The following COL24A1 variants were observed in gnomAD, a reference collection of about 807,000 sequenced individuals.
The protein encoded by COL24A1 is collagen alpha-1(XXIV) chain.
In COL24A1, 224 loss-of-function variants were observed where a neutral mutation model predicts 253.9. That is an observed-to-expected ratio of 0.88 (90% CI 0.79 to 0.99). The LOEUF is 0.99. Ranked by LOEUF, COL24A1 falls within the 50% of genes least tolerant of loss-of-function variation. COL24A1 has a pLI of 0.00. For synonymous variants in COL24A1, 685 were observed against 673.7 expected (o/e 1.02, Z -0.26); for missense variants, 2,131 against 2,068.5 (o/e 1.03, Z -0.59).
At chr1:86,073,795 AAG>A (rs1472906370) in intron 7 of COL24A1, among the ~76,000 whole-genome samples, 1 of 152,240 alleles carries the variant, frequency 6.6e-6, no homozygotes, top group East Asian at 1.9e-4. Flanking sequence ...TACAAGACAG[AAG>A]AGAGTGGGGG....
In COL24A1 at chr1:85,847,593, A is replaced by G. The variant is rs1677265421; in HGVS notation, c.3462+72T>C. On this transcript the variant is annotated intron_variant, in intron 39 of 59. Coordinates refer to ENST00000370571, the MANE Select transcript of COL24A1 (RefSeq NM_152890.7). Reference sequence around the variant, plus strand: ...GTCTGTAAAGCTAATCAAGGGATGAAACTTTAAGGGCATGGATACGTTTCT... The same window carrying G: ...GTCTGTAAAGCTAATCAAGGGATGAGACTTTAAGGGCATGGATACGTTTCT... 2.8e-6 allele frequency: 3 copies of G among 1,055,026 alleles called. No individual in the cohort carries two copies. The South Asian group carries it at 4.2e-5, about 15-fold the overall frequency. The allele number at this position is 1,055,026 out of a possible 1,614,324, so 65.4% of individuals were successfully genotyped here. A position where few individuals can be genotyped will look rare whatever the true frequency, so the allele number is the denominator to read the frequency against.
chr1:86,021,653 T>C (rs1697550458), intron 18 of COL24A1, among the ~76,000 whole-genome samples: 1 of 152,112 alleles, frequency 6.6e-6, no homozygotes, highest in Non-Finnish European at 1.5e-5. Flanking sequence ...ATAATTATGA[T>C]TTTTAATATT....
At chr1:86,122,877 T>A (rs767201794) in intron 3 of COL24A1, among the ~76,000 whole-genome samples, 15 of 151,968 alleles carry the variant, frequency 9.9e-5, no homozygotes, top group Non-Finnish European at 2.2e-4. Context: ...CTTAGAAACC[T>A]ACAAAATTCC....
chr1:85,852,928 G>T (rs1677952216), intron 37 of COL24A1, among the ~76,000 whole-genome samples: 2 of 152,158 alleles, frequency 1.3e-5, no homozygotes, highest in Non-Finnish European at 2.9e-5. Flanking sequence ...GGAAGTACAG[G>T]CGCATGCCAC....
chr1:86,102,233 AT>A (rs1159611495), intron 5 of COL24A1, among the ~76,000 whole-genome samples: 1 of 152,106 alleles, frequency 6.6e-6, no homozygotes, highest in Non-Finnish European at 1.5e-5. Flanking sequence ...CAGTGGTAAT[AT>A]CCCCTTTGTT....
rs189823334 is a variant in COL24A1, at chr1:85,868,277, A to T, written c.3300+242T>A. ...AACTCAGTTTGAGACAACATAAAACATTCCTTTATAAATGCTTTATGACAG... is the reference window on the plus strand; with the variant it reads ...AACTCAGTTTGAGACAACATAAAACTTTCCTTTATAAATGCTTTATGACAG... On this transcript the variant is annotated intron_variant, in intron 37 of 59. Transcript: ENST00000370571. Among the ~76,000 whole-genome samples, 9 of 152,332 alleles carry T rather than the reference A, an allele frequency of 5.9e-5. No individual in the cohort carries two copies. In the East Asian group the frequency reaches 1.7e-3, roughly 29 times the overall value.
At chr1:85,929,757 C>T (rs866058000) in intron 24 of COL24A1, among the ~76,000 whole-genome samples, 3 of 149,246 alleles carry the variant, frequency 2.0e-5, no homozygotes, top group East Asian at 2.0e-4. Flanking sequence ...TGCAATCAAA[C>T]TAGAACTCAG....
At chr1:85,984,281 A>G (rs1693517644) in intron 20 of COL24A1, among the ~76,000 whole-genome samples, 1 of 151,870 alleles carries the variant, frequency 6.6e-6, no homozygotes, top group Non-Finnish European at 1.5e-5. Flanking sequence ...ATTAAGTTCT[A>G]TTATTACTTC....
At chr1:86,115,258 C>T in intron 4 of COL24A1, 67 bp downstream of exon 4, 1 of 1,521,668 alleles carries the variant, frequency 6.6e-7, no homozygotes, top group Non-Finnish European at 9.1e-7. Context: ...CTGTACAATA[C>T]TAGAAAAAAC....
intron 1 of COL24A1, among the ~76,000 whole-genome samples, chr1:86,152,504 T>A (rs1474897693): frequency 1.3e-5 from 2 of 152,224 alleles, no homozygotes; most frequent in Non-Finnish European, 2.9e-5. Flanking sequence ...ATTATATATA[T>A]GCAAATATTC....
At chr1:85,912,635 C>A (rs544911915) in intron 24 of COL24A1, among the ~76,000 whole-genome samples, 7 of 152,236 alleles carry the variant, frequency 4.6e-5, no homozygotes, top group African/African-American at 1.4e-4. Context: ...TAAGTGTTTT[C>A]TATGTGCCTG....
rs535260560 is a variant in COL24A1, at chr1:85,831,152, G to A, written c.3682-7414C>T. On this transcript the variant is annotated intron_variant, in intron 43 of 59. Coordinates refer to ENST00000370571, the MANE Select transcript of COL24A1 (RefSeq NM_152890.7). Reference sequence around the variant, plus strand: ...TAACGGAAAAACCATGATCACACACGAGCCTTAGCAAAACATGAGCAGAGC... The same window carrying A: ...TAACGGAAAAACCATGATCACACACAAGCCTTAGCAAAACATGAGCAGAGC... Among the ~76,000 whole-genome samples the A allele has an allele frequency of 5.9e-5, 9 of 152,118 alleles. No homozygotes were observed. In the South Asian group the frequency reaches 1.5e-3, roughly 25 times the overall value.
chr1:85,971,272 A>C, intron 21 of COL24A1, 68 bp downstream of exon 21: 1 of 1,351,556 alleles, frequency 7.4e-7, no homozygotes, highest in Non-Finnish European at 1.0e-6. Context: ...AAGGCCCACA[A>C]TAAATAAAAA....
chr1:85,816,833 T>G lies in COL24A1; in HGVS notation c.3906A>C (p.Ser1302=), dbSNP rs368895707. Residue 1302 remains serine, a synonymous_variant, in exon 47 of 60, where the codon TCA becomes TCC. Transcript: ENST00000370571. ...GTGGCCCAATTTTTCCAGGGTTTCC[T>G]GAAATGCCATCTGCTCCATGGTATC... ...IQGYHGADGI[S]GNPGKIGPPG... The G allele has an allele frequency of 1.4e-4, 221 of 1,613,944 alleles. No homozygotes were observed. The highest frequency in any genetic ancestry group is 1.7e-4 in the Non-Finnish European group (205 of 1,179,914).
chr1:85,828,485 T>C (rs1206435571), intron 43 of COL24A1, among the ~76,000 whole-genome samples: 2 of 151,340 alleles, frequency 1.3e-5, no homozygotes, highest in African/African-American at 4.9e-5. Context: ...CCTTGTTGAC[T>C]TTCTGTCTCG....
intron 19 of COL24A1, among the ~76,000 whole-genome samples, chr1:86,004,256 G>C (rs960324249): frequency 6.6e-5 from 10 of 152,132 alleles, no homozygotes; most frequent in African/African-American, 2.2e-4. Context: ...ATATTTATTT[G>C]GGTAAGAGTT....
chr1:86,015,076 T>G (rs1045464308), intron 19 of COL24A1, among the ~76,000 whole-genome samples: 2 of 152,218 alleles, frequency 1.3e-5, no homozygotes, highest in African/African-American at 4.8e-5. Flanking sequence ...AAATATACTA[T>G]TTAAAATTCT....
At chr1:85,947,037 ATAAT>A (rs1689389845) in intron 24 of COL24A1, among the ~76,000 whole-genome samples, 1 of 152,246 alleles carries the variant, frequency 6.6e-6, no homozygotes, top group African/African-American at 2.4e-5. Flanking sequence ...TAAATGTAAA[ATAAT>A]TAGCACATGG....
At chr1:86,106,391 T>C (rs1442362855) in intron 5 of COL24A1, among the ~76,000 whole-genome samples, 1 of 152,106 alleles carries the variant, frequency 6.6e-6, no homozygotes, top group Non-Finnish European at 1.5e-5. Context: ...TGGATTAAAT[T>C]TGAAGGAACT....
Sources: gnomAD v4.1 joint callset for allele counts (sites outside exome capture counted in the v4.1 genomes callset) on GRCh38, gnomAD v4.1.1 for gene constraint, MANE v1.5 for transcripts, NCBI Gene and HGNC (gene_info 2026-07-23, HGNC 2026-07-21) for gene names.